The following HS3ST1 variants were observed in gnomAD, a reference collection of about 807,000 sequenced individuals.
HS3ST1 encodes the protein heparan sulfate-glucosamine 3-sulfotransferase 1.
Under a neutral mutation model 20.7 loss-of-function variants are expected in HS3ST1, and 8 were observed. That is an observed-to-expected ratio of 0.39 (90% CI 0.23 to 0.70). HS3ST1 has a LOEUF of 0.70. HS3ST1 is among the 30% of genes least tolerant of loss of function. The pLI is 0.46. For missense variants in HS3ST1, 436 were observed against 423.4 expected, an observed-to-expected ratio of 1.03 and a Z score of -0.26; for synonymous variants, 205 against 190.4, an observed-to-expected ratio of 1.08 and a Z score of -0.63.
intron 1 of HS3ST1, among the ~76,000 whole-genome samples, chr4:11,420,052 T>G (rs896121743): frequency 6.6e-6 from 1 of 152,224 alleles, no homozygotes. Flanking sequence ...GGTTAAGCCT[T>G]CACACTAATC....
rs559237513 is a variant in HS3ST1, at chr4:11,413,455, C to T, written c.-108-13342G>A. Among the ~76,000 whole-genome samples, 79 of 152,252 alleles carry T rather than the reference C, an allele frequency of 5.2e-4. 1 individual carries two copies. The highest frequency in any genetic ancestry group is 1.6e-3 in the African/African-American group (67 of 41,556). ...GTTTCCTGGTTTGTGCCACATATGACACTCAGCCTCTTCCGCCTCTTCCTT... is the reference window on the plus strand; with the variant it reads ...GTTTCCTGGTTTGTGCCACATATGATACTCAGCCTCTTCCGCCTCTTCCTT... On this transcript the variant is annotated intron_variant, in intron 1 of 1. Coordinates refer to ENST00000002596, the MANE Select transcript of HS3ST1 (RefSeq NM_005114.4).
intron 1 of HS3ST1, among the ~76,000 whole-genome samples, chr4:11,418,042 G>A (rs113505262): frequency 3.9e-5 from 6 of 152,258 alleles, no homozygotes; most frequent in African/African-American, 1.4e-4. Flanking sequence ...GGACACAAGG[G>A]GAAAATATTC....
Position 11,399,667 on chromosome 4 carries a change from G to C in HS3ST1, c.339C>G (p.His113Gln), listed in dbSNP as rs147865098. The part of the protein sequence containing the change: ...YLSQMPFSWP[H>Q]QLTVEKTPAY... ...CGGGGGTCTTCTCCACTGTGAGCTGGTGTGGCCAGGAGAAGGGCATCTGGC... is the reference window on the plus strand; with the variant it reads ...CGGGGGTCTTCTCCACTGTGAGCTGCTGTGGCCAGGAGAAGGGCATCTGGC... The change falls in exon 2 of 2, where the codon CAC becomes CAG. Residue 113 changes from histidine to glutamine, a missense_variant. By Grantham distance (24) the His-to-Gln change is conservative. Coordinates refer to ENST00000002596, the MANE Select transcript of HS3ST1 (RefSeq NM_005114.4). The surrounding 1 kb of genome is among the most constrained non-coding windows in gnomAD (Gnocchi z 5.1). The C allele has an allele frequency of 1.4e-4, 219 of 1,613,840 alleles. No homozygotes were observed. Among genetic ancestry groups the C allele is most frequent in the Non-Finnish European group, 1.8e-4 (209 of 1,180,048 alleles).
chr4:11,403,164 T>C (rs543167279), intron 1 of HS3ST1, among the ~76,000 whole-genome samples: 27 of 152,346 alleles, frequency 1.8e-4, no homozygotes, highest in African/African-American at 6.0e-4. Flanking sequence ...TATGTGTATA[T>C]GTAAAAATGT....
Position 11,399,483 on chromosome 4 carries a change from C to T in HS3ST1, c.523G>A (p.Glu175Lys), listed in dbSNP as rs757811788. The T allele has an allele frequency of 9.9e-6, 16 of 1,613,876 alleles. No homozygotes were observed. Among genetic ancestry groups the T allele is most frequent in the Non-Finnish European group, 1.4e-5 (16 of 1,180,020 alleles). The change falls in exon 2 of 2, where the codon GAG (glutamate) becomes AAG (lysine). Residue 175 changes from glutamate to lysine, a missense_variant. Coordinates refer to ENST00000002596, the MANE Select transcript of HS3ST1 (RefSeq NM_005114.4). The surrounding 1 kb of genome is among the most constrained non-coding windows in gnomAD (Gnocchi z 5.1). ...CTGCCATCGCGCACCAGGAACTCCT[C>T]GATGGACGGGTAGGGCTTGTGCTTC... ...MQKHKPYPSI[E>K]EFLVRDGRLN...
intron 1 of HS3ST1, among the ~76,000 whole-genome samples, chr4:11,415,111 G>T (rs1373490354): frequency 6.6e-6 from 1 of 152,218 alleles, no homozygotes; most frequent in Non-Finnish European, 1.5e-5. Flanking sequence ...TATGCTTCAT[G>T]GAGAAGGCAC....
At chr4:11,425,520 G>A (rs941401548) in intron 1 of HS3ST1, among the ~76,000 whole-genome samples, 5 of 152,178 alleles carry the variant, frequency 3.3e-5, no homozygotes, top group Non-Finnish European at 5.9e-5. Context: ...AGTGAGGCCC[G>A]GTGCTTGTAG....
intron 1 of HS3ST1, among the ~76,000 whole-genome samples, chr4:11,411,197 A>G (rs1008109749): frequency 6.6e-6 from 1 of 152,208 alleles, no homozygotes; most frequent in Non-Finnish European, 1.5e-5. Context: ...GAGCAATGAC[A>G]AAGCGGCATC....
chr4:11,416,902 G>T (rs555324225), intron 1 of HS3ST1, among the ~76,000 whole-genome samples: 1 of 152,354 alleles, frequency 6.6e-6, no homozygotes, highest in South Asian at 2.1e-4. Flanking sequence ...AGCTCTTAAA[G>T]AATGATACAG....
chr4:11,404,452 A>G (rs1718407749), intron 1 of HS3ST1, among the ~76,000 whole-genome samples: 1 of 152,256 alleles, frequency 6.6e-6, no homozygotes, highest in African/African-American at 2.4e-5. Flanking sequence ...TCAAGGACAC[A>G]TATGGCTGGT....
At chr4:11,420,752 G>T (rs1403545459) in intron 1 of HS3ST1, among the ~76,000 whole-genome samples, 1 of 152,186 alleles carries the variant, frequency 6.6e-6, no homozygotes, top group Non-Finnish European at 1.5e-5. Context: ...TTTAAGCAAA[G>T]AAATAAGCTT....
Position 11,396,252 on chromosome 4 carries a change from T to G in HS3ST1, c.*2830A>C, listed in dbSNP as rs531745919. 1 of 152,358 alleles carries G rather than the reference T, an allele frequency of 6.6e-6. No homozygotes were observed. The highest frequency in any genetic ancestry group is 6.5e-5 in the Admixed American group (1 of 15,296). The allele number at this position is 152,358 out of a possible 1,614,324, so 9.4% of individuals were successfully genotyped here. A position where few individuals can be genotyped will look rare whatever the true frequency, so the allele number is the denominator to read the frequency against. ...AGGTTGTGAGCTGATAACCAAATGG[T>G]GTTAAAAGGATTTCAACCCTATCTG... On this transcript the variant is annotated 3_prime_UTR_variant, in exon 2 of 2. Transcript: ENST00000002596.
intron 1 of HS3ST1, among the ~76,000 whole-genome samples, chr4:11,402,870 G>A (rs1718362848): frequency 6.6e-6 from 1 of 152,222 alleles, no homozygotes; most frequent in African/African-American, 2.4e-5. Context: ...ATTACCAGCA[G>A]ACAGTAGAGA....
At position 11,398,036 on chromosome 4, in the gene HS3ST1, A is replaced by C. The variant is rs1454882623; in HGVS notation, c.*1046T>G. The C allele has an allele frequency of 6.6e-6, 1 of 152,170 alleles. No individual in the cohort carries two copies. Among genetic ancestry groups the C allele is most frequent in the African/African-American group, 2.4e-5 (1 of 41,440 alleles). 9.4% of individuals were successfully genotyped at this position (152,170 alleles called of 1,614,324 possible). On this transcript the variant is annotated 3_prime_UTR_variant, in exon 2 of 2. Coordinates refer to ENST00000002596, the MANE Select transcript of HS3ST1 (RefSeq NM_005114.4). The stretch of plus-strand genomic sequence containing the variant: ...AGTGGTTCTCTTAGGTGCTACCTTC[A>C]ACTCTGCCCTTTTCTCTTTTTAACT...
At chr4:11,423,144 C>T (rs550813419) in intron 1 of HS3ST1, among the ~76,000 whole-genome samples, 69 of 150,250 alleles carry the variant, frequency 4.6e-4, no homozygotes, top group African/African-American at 1.6e-3. Context: ...CATTTGAGAT[C>T]ATGTTTAATG....
chr4:11,427,676 C>A (rs759712902), intron 1 of HS3ST1, among the ~76,000 whole-genome samples: 31 of 152,214 alleles, frequency 2.0e-4, no homozygotes, highest in Non-Finnish European at 4.4e-4. Flanking sequence ...AAGAGAGCGC[C>A]CTGAGTGTGC....
At chr4:11,419,527 C>G (rs533417405) in intron 1 of HS3ST1, among the ~76,000 whole-genome samples, 3 of 151,994 alleles carry the variant, frequency 2.0e-5, no homozygotes, top group African/African-American at 7.2e-5. Flanking sequence ...CTGATGCATG[C>G]GGGGCTTGAA....
At chr4:11,414,716 G>C (rs926549077) in intron 1 of HS3ST1, among the ~76,000 whole-genome samples, 1 of 152,194 alleles carries the variant, frequency 6.6e-6, no homozygotes, top group Non-Finnish European at 1.5e-5. Context: ...TGTTAAATAA[G>C]CTTTGGAAAT....
intron 1 of HS3ST1, among the ~76,000 whole-genome samples, chr4:11,428,047 C>T (rs1436458455): frequency 2.0e-5 from 3 of 152,162 alleles, no homozygotes; most frequent in Admixed American, 2.0e-4. Flanking sequence ...TACCCAAGGG[C>T]CCGGAAATAG....
Sources: allele counts gnomAD v4.1 joint callset (sites outside exome capture counted in the v4.1 genomes callset), GRCh38; gene constraint gnomAD v4.1.1; non-coding constraint Gnocchi (gnomAD v3.1); transcripts MANE v1.5; gene names NCBI Gene and HGNC (gene_info 2026-07-23, HGNC 2026-07-21).